The following ZNHIT1 variants were observed in gnomAD, a reference collection of about 807,000 sequenced individuals.
ZNHIT1 encodes zinc finger HIT-type containing 1, also known as zinc finger HIT domain-containing protein 1.
A neutral mutation model predicts 21.4 loss-of-function variants in ZNHIT1; 20 were observed. The ratio of observed to expected loss-of-function variants is 0.93; its 90% CI spans 0.66 to 1.36. The LOEUF is 1.36. Ranked by LOEUF, ZNHIT1 falls within the 40% of genes most tolerant of loss-of-function variation. The probability of loss-of-function intolerance (pLI) is 0.00; values close to 1 mark genes in which losing one functional copy is unlikely to be tolerated. For synonymous variants in ZNHIT1, 79 were observed against 84.0 expected, an observed-to-expected ratio of 0.94 and a Z score of 0.32; for missense variants, 170 against 213.5, an observed-to-expected ratio of 0.80 and a Z score of 1.27.
chr7:101,222,519 G>T, intron 1 of ZNHIT1, 85 bp from the exon 2 acceptor site: 1 of 1,476,248 alleles, frequency 6.8e-7, no homozygotes, highest in Non-Finnish European at 9.1e-7. Flanking sequence ...TTCCACCCCG[G>T]GTGCCTTCCT....
At position 101,223,973 on chromosome 7, in the gene ZNHIT1, AG is replaced by A; in HGVS notation, c.*16del. On this transcript the variant is annotated 3_prime_UTR_variant, in exon 5 of 5. Transcript: ENST00000305105. The stretch of plus-strand genomic sequence containing the variant: ...GGACTGTGTGAGCCTGGGCATTCCC[AG>A]AGAGGAAGGGCCGCTGTGCACTGCC... 1 of 1,614,106 alleles carries A rather than the reference AG, an allele frequency of 6.2e-7. No homozygotes were observed. Among genetic ancestry groups the A allele is most frequent in the Middle Eastern group, 1.6e-4 (1 of 6,062 alleles).
chr7:101,222,603 G>GT lies in ZNHIT1; in HGVS notation c.24dup (p.Arg9SerfsTer30). On this transcript the variant is annotated frameshift_variant and splice_region_variant. Coordinates refer to ENST00000305105, the MANE Select transcript of ZNHIT1 (RefSeq NM_006349.3). LOFTEE classifies it high-confidence loss of function. Reference sequence around the variant, plus strand: ...AACTTTGCGTGCCCTGCTCCATCCAGTTCGCTCCCAGGACCCCGGGCAGCG... The same window carrying GT: ...AACTTTGCGTGCCCTGCTCCATCCAGTTTCGCTCCCAGGACCCCGGGCAGCG... 1 of 1,612,176 alleles carries GT rather than the reference G, an allele frequency of 6.2e-7. No homozygotes were observed. Among genetic ancestry groups the GT allele is most frequent in the African/African-American group, 1.3e-5 (1 of 75,024 alleles).
rs774890885 is a variant in ZNHIT1 at position 101,223,788 on chromosome 7, G to T, written c.389G>T (p.Ser130Ile). 3.1e-6 allele frequency: 5 copies of T among 1,614,080 alleles called. No individual in the cohort carries two copies. In the African/African-American group the frequency reaches 6.7e-5, roughly 22 times the overall value. ...CGFPSPYTCV[S>I]CGARYCTVRC... ...TTCCCATCCCCCTACACCTGTGTCAGCTGCGGTGCCCGGTACTGCACTGTG... is the reference window on the plus strand; with the variant it reads ...TTCCCATCCCCCTACACCTGTGTCATCTGCGGTGCCCGGTACTGCACTGTG... Residue 130 changes from serine (S) to isoleucine (I), a missense_variant, in exon 4 of 5, where the codon AGC (serine) becomes ATC (isoleucine). Transcript: ENST00000305105.
chr7:101,224,177 G>A lies in ZNHIT1; in HGVS notation c.*219G>A. On this transcript the variant is annotated 3_prime_UTR_variant, in exon 5 of 5. Transcript: ENST00000305105. ...CCCCCCAGTGCTGTTAGAATAAAAAGCCTCGTGCCGGAAGCCTTCCTGTTT... is the reference window on the plus strand; with the variant it reads ...CCCCCCAGTGCTGTTAGAATAAAAAACCTCGTGCCGGAAGCCTTCCTGTTT... 1.5e-6 allele frequency: 1 copy of A among 670,678 alleles called. No homozygotes were observed. The highest frequency in any genetic ancestry group is 2.7e-5 in the East Asian group (1 of 36,492). 41.5% of individuals were successfully genotyped at this position (670,678 alleles called of 1,614,324 possible). A position where few individuals can be genotyped will look rare whatever the true frequency, so the allele number is the denominator to read the frequency against.
chr7:101,218,217 GGTAT>G lies in ZNHIT1; in HGVS notation c.22+3_22+6del. Reference sequence around the variant, plus strand: ...GCCAATGGTGGAGAAGAAAACTTCGGGTATGTGAGCCCCCGCGGTTCGCCCCCTT... The same window carrying G: ...GCCAATGGTGGAGAAGAAAACTTCGGGTGAGCCCCCGCGGTTCGCCCCCTT... On this transcript the variant is annotated splice_donor_variant and splice_donor_region_variant and intron_variant, in intron 1 of 4. Coordinates refer to ENST00000305105, the MANE Select transcript of ZNHIT1 (RefSeq NM_006349.3). LOFTEE classifies it high-confidence loss of function. 1 of 1,612,770 alleles carries G rather than the reference GGTAT, an allele frequency of 6.2e-7. No individual in the cohort carries two copies. The highest frequency in any genetic ancestry group is 8.5e-7 in the Non-Finnish European group (1 of 1,179,208).
At chr7:101,220,127 T>G (rs1798348173) in intron 1 of ZNHIT1, 2 of 147,136 alleles carry the variant, frequency 1.4e-5, no homozygotes, top group South Asian at 2.2e-4. Flanking sequence ...TTTTTTTTTT[T>G]TTTTTTTTTT....
At position 101,218,174 on chromosome 7, in the gene ZNHIT1, T is replaced by C; in HGVS notation, c.-22T>C. The stretch of plus-strand genomic sequence containing the variant: ...GTTAGTACGCGTGCGCAGCAGTTTC[T>C]TCCGACAGTTGTGTTGTGCCAATGG... On this transcript the variant is annotated 5_prime_UTR_variant, in exon 1 of 5. Coordinates refer to ENST00000305105, the MANE Select transcript of ZNHIT1 (RefSeq NM_006349.3). 6.2e-7 allele frequency: 1 copy of C among 1,612,354 alleles called. No homozygotes were observed. Among genetic ancestry groups the C allele is most frequent in the Non-Finnish European group, 8.5e-7 (1 of 1,178,924 alleles).
In ZNHIT1 at chr7:101,223,561, G is replaced by A. The variant is rs767241328; in HGVS notation, c.273+5G>A. The A allele has an allele frequency of 3.1e-6, 5 of 1,614,080 alleles. No homozygotes were observed. Among genetic ancestry groups the A allele is most frequent in the Admixed American group, 3.3e-5 (2 of 60,008 alleles). Reference sequence around the variant, plus strand: ...CAGGCCCTGTTGGAGGAGCAGGTGAGAGGAGGGTCGGCCTGGGAGGACCCC... The same window carrying A: ...CAGGCCCTGTTGGAGGAGCAGGTGAAAGGAGGGTCGGCCTGGGAGGACCCC... On this transcript the variant is annotated splice_donor_5th_base_variant and intron_variant, in intron 3 of 4. Coordinates refer to ENST00000305105, the MANE Select transcript of ZNHIT1 (RefSeq NM_006349.3).
intron 1 of ZNHIT1, chr7:101,218,459 G>A: frequency 1.9e-6 from 1 of 532,112 alleles, no homozygotes; most frequent in Non-Finnish European, 3.3e-6. Flanking sequence ...TTGTTATGTG[G>A]TGACGGGCTC....
At chr7:101,222,810 TGA>T in intron 2 of ZNHIT1, 36 bp downstream of exon 2, 1 of 1,602,268 alleles carries the variant, frequency 6.2e-7, no homozygotes, top group Non-Finnish European at 8.5e-7. Context: ...GGGATGGGAC[TGA>T]GAGGAGGGCG....
In ZNHIT1 at chr7:101,223,976, G is replaced by A. The variant is rs769157595; in HGVS notation, c.*18G>A. The A allele has an allele frequency of 6.2e-7, 1 of 1,614,170 alleles. No individual in the cohort carries two copies. The highest frequency in any genetic ancestry group is 8.5e-7 in the Non-Finnish European group (1 of 1,180,028). On this transcript the variant is annotated 3_prime_UTR_variant, in exon 5 of 5. Transcript: ENST00000305105. ...CTGTGTGAGCCTGGGCATTCCCAGA[G>A]AGGAAGGGCCGCTGTGCACTGCCCG...
At position 101,218,192 on chromosome 7, in the gene ZNHIT1, G is replaced by A. The variant is rs777536876; in HGVS notation, c.-4G>A. 1 of 1,613,426 alleles carries A rather than the reference G, an allele frequency of 6.2e-7. No homozygotes were observed. Among genetic ancestry groups the A allele is most frequent in the Non-Finnish European group, 8.5e-7 (1 of 1,179,526 alleles). On this transcript the variant is annotated 5_prime_UTR_variant, in exon 1 of 5. Transcript: ENST00000305105. Reference sequence around the variant, plus strand: ...CAGTTTCTTCCGACAGTTGTGTTGTGCCAATGGTGGAGAAGAAAACTTCGG... The same window carrying A: ...CAGTTTCTTCCGACAGTTGTGTTGTACCAATGGTGGAGAAGAAAACTTCGG...
chr7:101,223,725 C>A lies in ZNHIT1; in HGVS notation c.326C>A (p.Pro109Gln), dbSNP rs147605261. 54 of 1,613,328 alleles carry A rather than the reference C, an allele frequency of 3.3e-5. No homozygotes were observed. In the African/African-American group the frequency reaches 6.8e-4, roughly 20 times the overall value. Residue 109 changes from proline to glutamine, a missense_variant, in exon 4 of 5, where the codon CCA (proline) becomes CAA (glutamine). Coordinates refer to ENST00000305105, the MANE Select transcript of ZNHIT1 (RefSeq NM_006349.3). ...PNYLTACAGP[P>Q]SRPQRPFCAV... ...TACCTGACGGCCTGTGCGGGACCCCCATCGCGGCCCCAGCGCCCCTTCTGT... is the reference window on the plus strand; with the variant it reads ...TACCTGACGGCCTGTGCGGGACCCCAATCGCGGCCCCAGCGCCCCTTCTGT...
At chr7:101,218,253 C>A (rs1798317459) in intron 1 of ZNHIT1, 36 bp downstream of exon 1, 1 of 1,602,480 alleles carries the variant, frequency 6.2e-7, no homozygotes, top group African/African-American at 1.3e-5. Flanking sequence ...CCTTCCCCTT[C>A]CCAAGTCAGT....
chr7:101,218,514 G>C, intron 1 of ZNHIT1: 1 of 436,432 alleles, frequency 2.3e-6, no homozygotes, highest in Non-Finnish European at 4.1e-6. Context: ...GCCTCAAAGC[G>C]ATCCTCCTGC....
Position 101,223,805 on chromosome 7 carries a change from T to C in ZNHIT1, c.406T>C (p.Cys136Arg), listed in dbSNP as rs1584261480. 2.5e-6 allele frequency: 4 copies of C among 1,614,178 alleles called. No individual in the cohort carries two copies. The East Asian group carries it at 6.7e-5, about 27-fold the overall frequency. Reference protein sequence around the residue: ...YTCVSCGARYCTVRCLGTHQE... With the variant: ...YTCVSCGARYRTVRCLGTHQE... Reference sequence around the variant, plus strand: ...CTGTGTCAGCTGCGGTGCCCGGTACTGCACTGTGCGCTGTCTGGGGACCCA... The same window carrying C: ...CTGTGTCAGCTGCGGTGCCCGGTACCGCACTGTGCGCTGTCTGGGGACCCA... The change falls in exon 4 of 5, where the codon TGC (cysteine) becomes CGC (arginine). Residue 136 changes from cysteine (C) to arginine (R), a missense_variant. Transcript: ENST00000305105.
intron 1 of ZNHIT1, 151 bp from the exon 2 acceptor site, chr7:101,222,453 G>T: frequency 1.1e-6 from 1 of 885,498 alleles, no homozygotes; most frequent in Non-Finnish European, 1.7e-6. Context: ...CTTGGCCCGG[G>T]AGGAGACAAG....
intron 1 of ZNHIT1, 194 bp downstream of exon 1, chr7:101,218,411 C>G: frequency 1.6e-6 from 1 of 614,396 alleles, no homozygotes; most frequent in East Asian, 2.9e-5. Context: ...GTGGCTGGAA[C>G]TGCAAGCATG....
intron 1 of ZNHIT1, chr7:101,220,778 G>T (rs1214839199): frequency 1.3e-5 from 2 of 152,134 alleles, no homozygotes; most frequent in African/African-American, 4.8e-5. Context: ...TTGAGACAGG[G>T]TCTCTCTCTG....
Sources: allele counts gnomAD v4.1 joint callset, GRCh38; gene constraint gnomAD v4.1.1; transcripts MANE v1.5; gene names NCBI Gene and HGNC (gene_info 2026-07-23, HGNC 2026-07-21).